The following TBC1D19 variants were observed in gnomAD, a reference collection of about 807,000 sequenced individuals.
TBC1D19 encodes TBC1 domain family, member 19.
Under a neutral mutation model 89.0 loss-of-function variants are expected in TBC1D19, and 60 were observed. The ratio of observed to expected loss-of-function variants is 0.67; its 90% CI spans 0.55 to 0.84. TBC1D19 has a LOEUF of 0.84. Ranked by LOEUF, TBC1D19 falls within the 40% of genes least tolerant of loss-of-function variation. The pLI, the probability that TBC1D19 is intolerant of heterozygous loss-of-function variation, is 0.00. For missense variants in TBC1D19, 500 were observed against 610.8 expected, an observed-to-expected ratio of 0.82 and a Z score of 1.91; for synonymous variants, 189 against 199.7, an observed-to-expected ratio of 0.95 and a Z score of 0.45.
At chr4:26,756,999 C>T (rs1020515962), downstream of TBC1D19, among the ~76,000 whole-genome samples, 6 of 139,472 alleles carry the variant, frequency 4.3e-5, no homozygotes, top group South Asian at 2.4e-4. Flanking sequence ...TGAGGGTCAT[C>T]GGGCTGCCTT....
At chr4:26,600,107 TAA>T (rs569156405) in intron 1 of TBC1D19, among the ~76,000 whole-genome samples, 16 of 152,252 alleles carry the variant, frequency 1.1e-4, no homozygotes, top group African/African-American at 3.6e-4. Context: ...TTCATTCCAT[TAA>T]GTGTTTAATA....
At chr4:26,681,120 C>T (rs1713300518) in intron 11 of TBC1D19, among the ~76,000 whole-genome samples, 1 of 152,116 alleles carries the variant, frequency 6.6e-6, no homozygotes, top group South Asian at 2.1e-4. Context: ...TGAGATGTTT[C>T]TCATGCATGA....
At chr4:26,618,987 G>C (rs1251772309) in intron 3 of TBC1D19, among the ~76,000 whole-genome samples, 1 of 152,076 alleles carries the variant, frequency 6.6e-6, no homozygotes, top group Non-Finnish European at 1.5e-5. Context: ...CATGAGGGCA[G>C]GTATTTTAGC....
At chr4:26,836,950 T>C in the TBC1D19 span, among the ~76,000 whole-genome samples, 4 of 152,200 alleles carry the variant, frequency 2.6e-5, no homozygotes, top group Non-Finnish European at 4.4e-5. Flanking sequence ...TTCCCTGTGT[T>C]TGAAACATCT....
chr4:26,684,442 AC>A (rs1451198471), intron 12 of TBC1D19, among the ~76,000 whole-genome samples: 2 of 151,806 alleles, frequency 1.3e-5, no homozygotes, highest in Admixed American at 1.3e-4. Flanking sequence ...CTTAATTCAG[AC>A]CCCACTCTTT....
At position 26,689,199 on chromosome 4, in the gene TBC1D19, A is replaced by G. The variant is rs1429676324; in HGVS notation, c.954+792A>G. On this transcript the variant is annotated intron_variant, in intron 13 of 20. Coordinates refer to ENST00000264866, the MANE Select transcript of TBC1D19 (RefSeq NM_018317.4). ...AGAGCTAAAGTATAAAGACTTTATA[A>G]GACTTATTTATAAAGTTAAAATTTT... 2.6e-5 allele frequency among the ~76,000 whole-genome samples: 4 copies of G among 152,240 alleles called. No homozygotes were observed. In the South Asian group the frequency reaches 6.2e-4, roughly 24 times the overall value.
At chr4:26,696,728 G>A (rs1714821325) in intron 13 of TBC1D19, among the ~76,000 whole-genome samples, 1 of 152,174 alleles carries the variant, frequency 6.6e-6, no homozygotes, top group African/African-American at 2.4e-5. Context: ...TCAACTACAT[G>A]GAAACTGAAC....
chr4:26,673,440 T>TACACACACAC (rs1186152445), intron 10 of TBC1D19, among the ~76,000 whole-genome samples: 235 of 16,568 alleles, frequency 0.014, 2 homozygotes, highest in African/African-American at 0.029. Context: ...TATATATATA[T>TACACACACAC]ATATATACAC....
chr4:26,696,512 C>T (rs4434238), intron 13 of TBC1D19, among the ~76,000 whole-genome samples: 148,945 of 152,316 alleles, frequency 0.98, 72,905 homozygotes, highest in East Asian at 1. Flanking sequence ...GCAGACCTAA[C>T]AGACATCTGC....
the TBC1D19 span, among the ~76,000 whole-genome samples, chr4:26,808,238 G>T: frequency 1.3e-5 from 2 of 152,168 alleles, no homozygotes; most frequent in Non-Finnish European, 2.9e-5. Context: ...GGAATGTGGA[G>T]TCAGATGATA....
chr4:26,635,084 A>G (rs2110068041), intron 4 of TBC1D19, among the ~76,000 whole-genome samples: 1 of 152,228 alleles, frequency 6.6e-6, no homozygotes, highest in Middle Eastern at 3.4e-3. Context: ...ATAACTAGCA[A>G]TTTGGTTCCT....
intron 9 of TBC1D19, among the ~76,000 whole-genome samples, chr4:26,670,620 A>T (rs1712213348): frequency 6.6e-6 from 1 of 151,820 alleles, no homozygotes; most frequent in Non-Finnish European, 1.5e-5. Flanking sequence ...TCACGTATAT[A>T]CAGATCAGTG....
chr4:26,764,034 G>T, the TBC1D19 span, among the ~76,000 whole-genome samples: 27 of 152,280 alleles, frequency 1.8e-4, no homozygotes, highest in East Asian at 4.4e-3. Flanking sequence ...TTTCAAATAT[G>T]TATGCCTGTT....
chr4:26,581,888 A>G (rs901475763), upstream of TBC1D19, among the ~76,000 whole-genome samples: 10 of 152,214 alleles, frequency 6.6e-5, no homozygotes, highest in Non-Finnish European at 1.3e-4. Context: ...AATAGAGAAC[A>G]AAGACCATTC....
chr4:26,683,803 G>C, intron 12 of TBC1D19, 54 bp downstream of exon 12: 1 of 1,436,232 alleles, frequency 7.0e-7, no homozygotes, highest in Non-Finnish European at 9.7e-7. Flanking sequence ...TTAGAATTGA[G>C]ATTCTTCAGT....
chr4:26,844,591 T>C, the TBC1D19 span, among the ~76,000 whole-genome samples: 1 of 152,234 alleles, frequency 6.6e-6, no homozygotes, highest in Admixed American at 6.5e-5. Flanking sequence ...ATTACAAATA[T>C]CCATTATTGT....
the TBC1D19 span, among the ~76,000 whole-genome samples, chr4:26,836,099 G>A: frequency 2.6e-5 from 4 of 151,854 alleles, no homozygotes; most frequent in Non-Finnish European, 4.4e-5. Context: ...GGCTTCCTCT[G>A]GAAGCACTTC....
intron 11 of TBC1D19, among the ~76,000 whole-genome samples, chr4:26,680,943 TC>T (rs1313189442): frequency 2.0e-5 from 3 of 152,156 alleles, no homozygotes; most frequent in Non-Finnish European, 4.4e-5. Flanking sequence ...AGTCACCTAT[TC>T]CCTAATGGCT....
chr4:26,851,339 A>ATCTGTCTG, the TBC1D19 span, among the ~76,000 whole-genome samples: 186 of 150,390 alleles, frequency 1.2e-3, 1 homozygote, highest in African/African-American at 4.2e-3. Context: ...CTATCTATCT[A>ATCTGTCTG]TCTATCTATC....
Sources: allele counts gnomAD v4.1 joint callset (sites outside exome capture counted in the v4.1 genomes callset), GRCh38; gene constraint gnomAD v4.1.1; transcripts MANE v1.5; gene names NCBI Gene and HGNC (gene_info 2026-07-23, HGNC 2026-07-21).